LDLRAD4: variants seen among roughly 807,000 people sequenced by gnomAD.
The protein encoded by LDLRAD4 is low-density lipoprotein receptor class A domain-containing protein 4.
LDLRAD4 carries 5 observed loss-of-function variants against 17.0 expected under a neutral mutation model. The ratio of observed to expected loss-of-function variants is 0.29; its 90% confidence interval spans 0.15 to 0.62. LDLRAD4 has a LOEUF of 0.62. Ranked by LOEUF, LDLRAD4 falls within the 20% of genes least tolerant of loss-of-function variation. The probability of loss-of-function intolerance (pLI) is 0.84; values close to 1 mark genes in which losing one functional copy is unlikely to be tolerated. For synonymous variants in LDLRAD4, 168 were observed against 171.8 expected (o/e 0.98, Z 0.17); for missense variants, 340 against 424.7 (o/e 0.80, Z 1.75).
At chr18:13,340,000 T>C (rs2082291534) in intron 1 of LDLRAD4, among the ~76,000 whole-genome samples, 1 of 152,192 alleles carries the variant, frequency 6.6e-6, no homozygotes, top group Non-Finnish European at 1.5e-5. Flanking sequence ...ATGAATTTGA[T>C]TACTCTAGGA....
chr18:13,509,855 T>C (rs1215729764), intron 3 of LDLRAD4, among the ~76,000 whole-genome samples: 1 of 152,150 alleles, frequency 6.6e-6, no homozygotes, highest in Non-Finnish European at 1.5e-5. Flanking sequence ...CCGTCAACAT[T>C]GAGGCAAGAC....
intron 3 of LDLRAD4, among the ~76,000 whole-genome samples, chr18:13,454,674 C>T (rs1237535940): frequency 1.3e-5 from 2 of 152,198 alleles, no homozygotes; most frequent in Non-Finnish European, 1.5e-5. Context: ...CATGCCTGGC[C>T]CGGGATGGCC....
At chr18:13,453,980 T>G (rs1600427468) in intron 3 of LDLRAD4, among the ~76,000 whole-genome samples, 2 of 152,374 alleles carry the variant, frequency 1.3e-5, no homozygotes, top group South Asian at 4.1e-4. Context: ...CAGATGTTCA[T>G]TCCGGCGCTG....
At chr18:13,310,014 C>T (rs999391485) in intron 1 of LDLRAD4, among the ~76,000 whole-genome samples, 1 of 152,082 alleles carries the variant, frequency 6.6e-6, no homozygotes, top group African/African-American at 2.4e-5. Context: ...TGGGAATCTG[C>T]AGAATGGCTT....
Position 13,460,271 on chromosome 18 carries a change from C to A in LDLRAD4, c.181+21887C>A, listed in dbSNP as rs1297884852. On this transcript the variant is annotated intron_variant, in intron 3 of 5. Coordinates refer to ENST00000359446, the Ensembl canonical transcript of LDLRAD4. Reference sequence around the variant, plus strand: ...GCAGTGGCGCTATCACAATTCACTGCATCTTTGAACTTCTGGGCTCAAGGG... The same window carrying A: ...GCAGTGGCGCTATCACAATTCACTGAATCTTTGAACTTCTGGGCTCAAGGG... 3.3e-5 allele frequency among the ~76,000 whole-genome samples: 5 copies of A among 152,198 alleles called. No individual in the cohort carries two copies. In the South Asian group the frequency reaches 1.0e-3, roughly 32 times the overall value.
At chr18:13,263,686 C>G (rs927643829) in intron 1 of LDLRAD4, among the ~76,000 whole-genome samples, 3 of 152,174 alleles carry the variant, frequency 2.0e-5, no homozygotes, top group African/African-American at 7.2e-5. Flanking sequence ...TCGTATTACC[C>G]ACCTCATGGG....
At chr18:13,553,596 C>G (rs1360859579) in intron 3 of LDLRAD4, among the ~76,000 whole-genome samples, 1 of 152,222 alleles carries the variant, frequency 6.6e-6, no homozygotes, top group African/African-American at 2.4e-5. Flanking sequence ...GTGCCGAGAA[C>G]AGGGAGTGAT....
At chr18:13,230,361 AT>A (rs1046926632) in intron 1 of LDLRAD4, among the ~76,000 whole-genome samples, 2 of 151,810 alleles carry the variant, frequency 1.3e-5, no homozygotes, top group Admixed American at 6.6e-5. Context: ...AAAAGAACAG[AT>A]TTTTTTTTAA....
At chr18:13,549,569 A>C (rs1165562262) in intron 3 of LDLRAD4, among the ~76,000 whole-genome samples, 1 of 151,800 alleles carries the variant, frequency 6.6e-6, no homozygotes, top group Non-Finnish European at 1.5e-5. Flanking sequence ...GAAAAAGGGA[A>C]CTGAATCTGA....
exon 6 of LDLRAD4, chr18:13,647,281 C>A (rs1385656025): frequency 1.3e-5 from 2 of 152,116 alleles, no homozygotes; most frequent in Non-Finnish European, 2.9e-5. Flanking sequence ...AAAAAAATAA[C>A]TTTCTTCTGC....
intron 1 of LDLRAD4, among the ~76,000 whole-genome samples, chr18:13,270,885 A>G (rs1484689527): frequency 6.6e-6 from 1 of 152,216 alleles, no homozygotes; most frequent in Admixed American, 6.5e-5. Flanking sequence ...GTGTGTGTGT[A>G]TTTAAATACC....
intron 3 of LDLRAD4, among the ~76,000 whole-genome samples, chr18:13,570,802 C>G (rs2094679861): frequency 6.6e-6 from 1 of 152,018 alleles, no homozygotes; most frequent in Admixed American, 6.6e-5. Context: ...TTCCTTCCTT[C>G]CCTTTCATTT....
chr18:13,513,399 G>A (rs2093813269), intron 3 of LDLRAD4, among the ~76,000 whole-genome samples: 2 of 152,212 alleles, frequency 1.3e-5, no homozygotes, highest in Non-Finnish European at 2.9e-5. Context: ...ATGTTTTTGT[G>A]GGTGGGCAAC....
rs2084176125 is a variant in LDLRAD4, at chr18:13,367,837, G to T, written c.-382-19504G>T. On this transcript the variant is annotated intron_variant, in intron 1 of 5. Coordinates refer to ENST00000359446, the Ensembl canonical transcript of LDLRAD4. The surrounding 1 kb of genome is among the most constrained non-coding windows in gnomAD (Gnocchi z 4.1). ...ACTGAGAGAGAGGGGACAGTGGGGT[G>T]TGGGGGTGTGCTATCAAGGGGTGTA... Among the ~76,000 whole-genome samples, 1 of 151,794 alleles carries T rather than the reference G, an allele frequency of 6.6e-6. No individual in the cohort carries two copies. The highest frequency in any genetic ancestry group is 1.5e-5 in the Non-Finnish European group (1 of 67,922).
At position 13,531,717 on chromosome 18, in the gene LDLRAD4, T is replaced by C. The variant is rs577304376; in HGVS notation, c.182-89400T>C. On this transcript the variant is annotated intron_variant, in intron 3 of 5. Transcript: ENST00000359446. Reference sequence around the variant, plus strand: ...GTGCTCAGAGATCTGCTCTTTGGGCTGGAACCCTGATGGGCCTCCTTTAGT... The same window carrying C: ...GTGCTCAGAGATCTGCTCTTTGGGCCGGAACCCTGATGGGCCTCCTTTAGT... Among the ~76,000 whole-genome samples, 6 of 151,846 alleles carry C rather than the reference T, an allele frequency of 4.0e-5. No homozygotes were observed. In the East Asian group the frequency reaches 1.2e-3, roughly 30 times the overall value.
chr18:13,363,428 G>A (rs1023427803), intron 1 of LDLRAD4, among the ~76,000 whole-genome samples: 1 of 151,956 alleles, frequency 6.6e-6, no homozygotes, highest in African/African-American at 2.4e-5. Flanking sequence ...AGGCTGCGCC[G>A]GGGAAAGGGA....
At chr18:13,436,467 G>T (rs1242312697) in intron 2 of LDLRAD4, among the ~76,000 whole-genome samples, 2 of 152,184 alleles carry the variant, frequency 1.3e-5, no homozygotes, top group African/African-American at 4.8e-5. Flanking sequence ...CACAGCAATG[G>T]TGAACTTTTT....
chr18:13,240,815 A>G (rs1179845874), intron 1 of LDLRAD4: 1 of 152,242 alleles, frequency 6.6e-6, no homozygotes, highest in African/African-American at 2.4e-5. Flanking sequence ...ATGAGAGGAT[A>G]TTTAAATGAG....
chr18:13,618,198 C>G (rs1171273125), intron 3 of LDLRAD4, among the ~76,000 whole-genome samples: 1 of 152,188 alleles, frequency 6.6e-6, no homozygotes, highest in Admixed American at 6.5e-5. Context: ...AGTGAAAAGA[C>G]ACAAACAAGA....
Sources: gnomAD v4.1 joint callset for allele counts (sites outside exome capture counted in the v4.1 genomes callset) on GRCh38, gnomAD v4.1.1 for gene constraint, Gnocchi (gnomAD v3.1) non-coding constraint, MANE v1.5 for transcripts, NCBI Gene and HGNC (gene_info 2026-07-23, HGNC 2026-07-21) for gene names.